Variants in OTOGL observed in about 807,000 individuals in gnomAD.
OTOGL encodes otogelin-like protein.
In OTOGL, 285 loss-of-function variants were observed where a neutral mutation model predicts 318.5. The observed-to-expected ratio is 0.89, with a 90% CI of 0.81 to 0.99. The LOEUF (loss-of-function observed/expected upper bound fraction) is 0.99. Ranked by LOEUF, OTOGL falls within the 50% of genes least tolerant of loss-of-function variation. OTOGL has a pLI of 0.00. For missense variants in OTOGL, 2,899 were observed against 2,845.6 expected, an observed-to-expected ratio of 1.02 and a Z score of -0.43; for synonymous variants, 987 against 936.5, an observed-to-expected ratio of 1.05 and a Z score of -0.99.
At chr12:80,130,236 T>C (rs1871154763) in intron 1 of OTOGL, among the ~76,000 whole-genome samples, 1 of 152,206 alleles carries the variant, frequency 6.6e-6, no homozygotes, top group South Asian at 2.1e-4. Context: ...TTCAAGCCAG[T>C]TGGGAATGCA....
intron 1 of OTOGL, among the ~76,000 whole-genome samples, chr12:80,150,875 G>A (rs1872743625): frequency 6.6e-6 from 1 of 152,050 alleles, no homozygotes; most frequent in South Asian, 2.1e-4. Context: ...ACTTTTAAAA[G>A]CAATTTCTGA....
At chr12:80,134,356 T>G (rs928500745) in intron 1 of OTOGL, among the ~76,000 whole-genome samples, 5 of 152,248 alleles carry the variant, frequency 3.3e-5, no homozygotes, top group Admixed American at 2.6e-4. Flanking sequence ...TTCTCCCAAC[T>G]GATGAGGCTT....
At chr12:80,103,424 C>G (rs1202356649) in intron 1 of OTOGL, 5 of 649,970 alleles carry the variant, frequency 7.7e-6, no homozygotes, top group East Asian at 2.7e-5. Context: ...CACTTGCTGT[C>G]CCTATGCCAG....
intron 27 of OTOGL, among the ~76,000 whole-genome samples, chr12:80,301,491 A>G (rs1885757836): frequency 6.6e-6 from 1 of 152,174 alleles, no homozygotes; most frequent in South Asian, 2.1e-4. Context: ...TCAGGCTATG[A>G]TCCATCATGT....
chr12:80,218,214 T>C (rs1449805075), intron 5 of OTOGL, among the ~76,000 whole-genome samples: 1 of 152,202 alleles, frequency 6.6e-6, no homozygotes, highest in African/African-American at 2.4e-5. Context: ...TAAGATAAAG[T>C]GCAAATACAG....
rs57587257 is a variant in OTOGL at position 80,262,060 on chromosome 12, G to T, written c.1981G>T (p.Val661Leu). Residue 661 changes from valine (V) to leucine (L), a missense_variant, in exon 19 of 59, where the codon GTG becomes TTG. Val to Leu is a conservative substitution (Grantham distance 32, BLOSUM62 1). Around this residue, in one of 3 missense-constraint regions of OTOGL, gnomAD observed 2,607 missense variants for 2,524.9 expected, o/e 1.03. Coordinates refer to ENST00000547103, the MANE Select transcript of OTOGL (RefSeq NM_001378609.3). ...STCFAPVHVP[V>L]VDPCNINQQN... ...CTGTTTTGCACCTGTTCATGTCCCA[G>T]TGGTGGACCCCTGTAACATCAATCA... The T allele has an allele frequency of 1.2e-6, 2 of 1,612,234 alleles. No homozygotes were observed. Among genetic ancestry groups the T allele is most frequent in the Non-Finnish European group, 1.7e-6 (2 of 1,178,962 alleles).
chr12:80,343,085 A>T lies in OTOGL; in HGVS notation c.5265+923A>T, dbSNP rs527568417. ...CAGGCGGGATTTCACCGTGTTAGCC[A>T]GGATGGTCTCGATCTCCTGACCTCG... On this transcript the variant is annotated intron_variant, in intron 44 of 58. Coordinates refer to ENST00000547103, the MANE Select transcript of OTOGL (RefSeq NM_001378609.3). Among the ~76,000 whole-genome samples the T allele has an allele frequency of 3.7e-3, 558 of 152,246 alleles. 2 individuals are homozygous for T. Among genetic ancestry groups the T allele is most frequent in the Non-Finnish European group, 6.8e-3 (459 of 67,998 alleles).
In OTOGL at chr12:80,257,889, G is replaced by T. The variant is rs576524220; in HGVS notation, c.1776G>T (p.Lys592Asn). The change falls in exon 18 of 59, where the codon AAG (lysine) becomes AAT (asparagine). Residue 592 changes from lysine to asparagine, a missense_variant. Physicochemically the swap from Lys to Asn is moderately conservative, Grantham distance 94 (BLOSUM62 0). Coordinates refer to ENST00000547103, the MANE Select transcript of OTOGL (RefSeq NM_001378609.3). ...TTCTAAAAACCACATTTGGTTTAAAGATTCTGTTTGCTATAGATGGGGAAA... is the reference window on the plus strand; with the variant it reads ...TTCTAAAAACCACATTTGGTTTAAATATTCTGTTTGCTATAGATGGGGAAA... ...FILLKTTFGL[K>N]ILFAIDGERI... 1.9e-6 allele frequency: 3 copies of T among 1,596,126 alleles called. No individual in the cohort carries two copies. The highest frequency in any genetic ancestry group is 3.4e-5 in the Admixed American group (2 of 59,496).
chr12:80,212,682 A>G (rs1315647172), intron 4 of OTOGL, among the ~76,000 whole-genome samples: 3 of 152,350 alleles, frequency 2.0e-5, no homozygotes, highest in African/African-American at 7.2e-5. Flanking sequence ...TTGAAAAGGA[A>G]TATGATTTGA....
At chr12:80,145,854 CTGTT>C (rs1283106721) in intron 1 of OTOGL, among the ~76,000 whole-genome samples, 3 of 151,870 alleles carry the variant, frequency 2.0e-5, no homozygotes, top group Non-Finnish European at 4.4e-5. Context: ...ATTTGGCTCT[CTGTT>C]TGTCTGTTGT....
intron 1 of OTOGL, among the ~76,000 whole-genome samples, chr12:80,148,706 T>C (rs959628696): frequency 1.3e-5 from 2 of 152,216 alleles, no homozygotes; most frequent in Non-Finnish European, 2.9e-5. Context: ...AGATGTAGAT[T>C]TGGTTTTTTC....
intron 55 of OTOGL, among the ~76,000 whole-genome samples, chr12:80,370,229 T>A (rs1890792151): frequency 6.6e-6 from 1 of 152,050 alleles, no homozygotes. Flanking sequence ...GACACTTGGT[T>A]AAATTAGATA....
intron 7 of OTOGL, among the ~76,000 whole-genome samples, chr12:80,228,398 C>T (rs1379144911): frequency 6.6e-6 from 1 of 152,094 alleles, no homozygotes; most frequent in Non-Finnish European, 1.5e-5. Context: ...GCTGCAATCA[C>T]ACCACTGCAC....
chr12:80,242,121 A>T (rs922120986), intron 11 of OTOGL, among the ~76,000 whole-genome samples: 1 of 152,180 alleles, frequency 6.6e-6, no homozygotes, highest in Non-Finnish European at 1.5e-5. Context: ...TTCTGATACT[A>T]AAAAGGAGAA....
chr12:80,305,696 G>A lies in OTOGL; in HGVS notation c.3333+1G>A, dbSNP rs1886065476. The A allele has an allele frequency of 2.0e-6, 3 of 1,521,652 alleles. No homozygotes were observed. The highest frequency in any genetic ancestry group is 2.6e-6 in the Non-Finnish European group (3 of 1,148,210). The allele number at this position is 1,521,652 out of a possible 1,614,324, so 94.3% of individuals were successfully genotyped here. On this transcript the variant is annotated splice_donor_variant, in intron 29 of 58. Transcript: ENST00000547103. LOFTEE classifies it high-confidence loss of function. ...TGGAGATAGTTGGGCATTAGGACAGGTAAGTTACATAAATGTATTTTAGAA... is the reference window on the plus strand; with the variant it reads ...TGGAGATAGTTGGGCATTAGGACAGATAAGTTACATAAATGTATTTTAGAA...
intron 43 of OTOGL, among the ~76,000 whole-genome samples, chr12:80,339,795 C>T (rs1305433680): frequency 2.0e-5 from 3 of 151,984 alleles, no homozygotes; most frequent in South Asian, 4.1e-4. Context: ...AAATGTAAAG[C>T]TTAGATATAC....
chr12:80,106,338 C>T (rs1376758461), intron 1 of OTOGL, among the ~76,000 whole-genome samples: 2 of 152,158 alleles, frequency 1.3e-5, no homozygotes, highest in African/African-American at 4.8e-5. Flanking sequence ...TCTTCACAGA[C>T]TATGTCCAGG....
intron 1 of OTOGL, among the ~76,000 whole-genome samples, chr12:80,137,344 CAATT>C (rs898583657): frequency 2.0e-5 from 3 of 151,970 alleles, no homozygotes; most frequent in African/African-American, 7.3e-5. Flanking sequence ...CTGGCACAAT[CAATT>C]GTGAACACTT....
intron 9 of OTOGL, among the ~76,000 whole-genome samples, chr12:80,238,280 A>T (rs1453616543): frequency 6.6e-6 from 1 of 152,200 alleles, no homozygotes; most frequent in Non-Finnish European, 1.5e-5. Flanking sequence ...ATTTAGATGA[A>T]ATAGATACAC....
Sources: allele counts gnomAD v4.1 joint callset (sites outside exome capture counted in the v4.1 genomes callset), GRCh38; gene constraint gnomAD v4.1.1; regional missense constraint gnomAD v4.1.1; transcripts MANE v1.5; gene names NCBI Gene and HGNC (gene_info 2026-07-23, HGNC 2026-07-21).